Variants in HIP1 observed in about 807,000 individuals in gnomAD.
The protein encoded by HIP1 is huntingtin-interacting protein 1.
In HIP1, 65 loss-of-function variants were observed where a neutral mutation model predicts 147.6. The observed-to-expected ratio is 0.44, with a 90% CI of 0.36 to 0.54. The LOEUF (loss-of-function observed/expected upper bound fraction) is 0.54, where lower values mean the gene tolerates loss of function less well. HIP1 is among the 20% of genes least tolerant of loss of function. The pLI is 0.00. For missense variants in HIP1, 1,061 were observed against 1,299.6 expected, an observed-to-expected ratio of 0.82 and a Z score of 2.82; for synonymous variants, 479 against 504.0, an observed-to-expected ratio of 0.95 and a Z score of 0.67.
At chr7:75,666,176 TA>T (rs1368604201) in intron 1 of HIP1, among the ~76,000 whole-genome samples, 17 of 147,258 alleles carry the variant, frequency 1.2e-4, no homozygotes, top group East Asian at 1.0e-3. Context: ...TAATTAATTT[TA>T]TTTTTTTTTG....
chr7:75,733,515 C>T (rs1554523312), intron 1 of HIP1: 3 of 151,074 alleles, frequency 2.0e-5, no homozygotes, highest in African/African-American at 7.4e-5. Flanking sequence ...GTGGGGAACA[C>T]ACCAAGGGTC....
At chr7:75,679,846 C>T (rs1169276482) in intron 1 of HIP1, among the ~76,000 whole-genome samples, 1 of 152,120 alleles carries the variant, frequency 6.6e-6, no homozygotes, top group African/African-American at 2.4e-5. Flanking sequence ...TCCAGATCTG[C>T]TTAGCAGTAT....
chr7:75,736,395 C>A (rs1004823140), intron 1 of HIP1, among the ~76,000 whole-genome samples: 19 of 151,432 alleles, frequency 1.3e-4, no homozygotes, highest in African/African-American at 4.6e-4. Flanking sequence ...AAAATAATAT[C>A]TATTTATTTT....
intron 1 of HIP1, among the ~76,000 whole-genome samples, chr7:75,709,741 G>T (rs901313838): frequency 6.6e-6 from 1 of 152,132 alleles, no homozygotes; most frequent in Non-Finnish European, 1.5e-5. Flanking sequence ...GCAAAGTTAG[G>T]CATCCTTGTA....
At chr7:75,736,718 G>C (rs907162830) in intron 1 of HIP1, among the ~76,000 whole-genome samples, 1 of 152,086 alleles carries the variant, frequency 6.6e-6, no homozygotes, top group Non-Finnish European at 1.5e-5. Context: ...AACCTAGCTG[G>C]ATCCTGGGAG....
chr7:75,700,270 C>T (rs1222773180), intron 1 of HIP1, among the ~76,000 whole-genome samples: 3 of 152,148 alleles, frequency 2.0e-5, no homozygotes, highest in African/African-American at 7.2e-5. Context: ...ACCATGAGCC[C>T]GTCAGCTCTT....
intron 1 of HIP1, among the ~76,000 whole-genome samples, chr7:75,600,560 C>G (rs1796938089): frequency 6.6e-6 from 1 of 152,074 alleles, no homozygotes; most frequent in South Asian, 2.1e-4. Flanking sequence ...CCCTATAACC[C>G]ATGTTAAAAA....
At chr7:75,656,341 G>A (rs1227723882) in intron 1 of HIP1, among the ~76,000 whole-genome samples, 1 of 150,792 alleles carries the variant, frequency 6.6e-6, no homozygotes, top group Non-Finnish European at 1.5e-5. Context: ...TATTCAGATG[G>A]TACCAAACAG....
rs377613971 is a variant in HIP1, at chr7:75,592,434, C to T, written c.265G>A (p.Ala89Thr). The change falls in exon 3 of 31, where the codon GCA becomes ACA. Residue 89 changes from alanine to threonine, a missense_variant. Around this residue, in one of 3 missense-constraint regions of HIP1, gnomAD observed 225 missense variants for 292.9 expected, o/e 0.77. Coordinates refer to ENST00000336926, the MANE Select transcript of HIP1 (RefSeq NM_005338.7). ...VVNRLPLSSN[A>T]VLCWKFCHVF... Reference sequence around the variant, plus strand: ...TGGCAGAACTTCCAGCAGAGCACTGCGTTGCTAGACAGAGGCAGGCGGTTG... The same window carrying T: ...TGGCAGAACTTCCAGCAGAGCACTGTGTTGCTAGACAGAGGCAGGCGGTTG... The T allele has an allele frequency of 1.6e-5, 26 of 1,612,396 alleles. No individual in the cohort carries two copies. Among genetic ancestry groups the T allele is most frequent in the Admixed American group, 3.4e-5 (2 of 59,058 alleles).
chr7:75,642,713 T>C (rs1332079808), intron 1 of HIP1, among the ~76,000 whole-genome samples: 1 of 152,204 alleles, frequency 6.6e-6, no homozygotes, highest in African/African-American at 2.4e-5. Flanking sequence ...TAGAAGTGTC[T>C]TTCTCATCCT....
intron 1 of HIP1, among the ~76,000 whole-genome samples, chr7:75,697,645 C>A (rs776541481): frequency 7.9e-5 from 12 of 152,118 alleles, no homozygotes; most frequent in Non-Finnish European, 1.0e-4. Context: ...AAACCCATCT[C>A]TACTAAAAAT....
chr7:75,586,962 A>C (rs1554499766), intron 4 of HIP1, 129 bp from the exon 5 acceptor site: 5 of 670,584 alleles, frequency 7.5e-6, no homozygotes. Flanking sequence ...TTATTTAGAG[A>C]TGGGGTCTAG....
intron 1 of HIP1, among the ~76,000 whole-genome samples, chr7:75,738,547 C>T (rs1802100693): frequency 6.6e-6 from 1 of 152,164 alleles, no homozygotes; most frequent in Admixed American, 6.5e-5. Context: ...CCCAGCCGAT[C>T]AGGCTCCTCT....
At position 75,534,615 on chromosome 7, in the gene HIP1, G is replaced by C. The variant is rs1794015352; in HGVS notation, c.*3557C>G. 5.7e-6 allele frequency: 1 copy of C among 174,832 alleles called. No individual in the cohort carries two copies. Among genetic ancestry groups the C allele is most frequent in the Non-Finnish European group, 1.2e-5 (1 of 81,050 alleles). The allele number at this position is 174,832 out of a possible 1,614,324, so 10.8% of individuals were successfully genotyped here. A position where few individuals can be genotyped will look rare whatever the true frequency, so the allele number is the denominator to read the frequency against. Reference sequence around the variant, plus strand: ...TGCCCGGCTAATTTTTGTATTTTTAGTAGAGACGGGGTTTCACCATGTTGG... The same window carrying C: ...TGCCCGGCTAATTTTTGTATTTTTACTAGAGACGGGGTTTCACCATGTTGG... On this transcript the variant is annotated 3_prime_UTR_variant, in exon 31 of 31. Coordinates refer to ENST00000336926, the MANE Select transcript of HIP1 (RefSeq NM_005338.7).
chr7:75,731,449 C>T (rs1335988893), intron 1 of HIP1, among the ~76,000 whole-genome samples: 13 of 147,000 alleles, frequency 8.8e-5, no homozygotes, highest in African/African-American at 3.3e-4. Context: ...CGCCATTGCA[C>T]TCCAGCCTGG....
chr7:75,628,054 C>G (rs1317547982), intron 1 of HIP1, among the ~76,000 whole-genome samples: 2 of 152,188 alleles, frequency 1.3e-5, no homozygotes, highest in Non-Finnish European at 2.9e-5. Context: ...CAATTCTTAT[C>G]CAAGCATATT....
chr7:75,539,197 G>T, intron 30 of HIP1, 126 bp downstream of exon 30: 1 of 678,878 alleles, frequency 1.5e-6, no homozygotes, highest in Non-Finnish European at 2.7e-6. Flanking sequence ...TCCATGAGGA[G>T]AGAAGAGAAG....
At chr7:75,643,498 G>A (rs1194860338) in intron 1 of HIP1, among the ~76,000 whole-genome samples, 1 of 152,100 alleles carries the variant, frequency 6.6e-6, no homozygotes, top group Non-Finnish European at 1.5e-5. Context: ...ATTTTTTTAA[G>A]TCAGGAAAGG....
At chr7:75,547,650 C>CTTTA in intron 24 of HIP1, 105 bp downstream of exon 24, 2 of 887,972 alleles carry the variant, frequency 2.3e-6, no homozygotes, top group South Asian at 2.6e-5. Context: ...TTCCCCGTGG[C>CTTTA]TGCTACTGCT....
Sources: gnomAD v4.1 joint callset for allele counts (sites outside exome capture counted in the v4.1 genomes callset) on GRCh38, gnomAD v4.1.1 for gene constraint, gnomAD v4.1.1 regional missense constraint, MANE v1.5 for transcripts, NCBI Gene and HGNC (gene_info 2026-07-23, HGNC 2026-07-21) for gene names.